Variants in GPC6 observed in about 807,000 individuals in gnomAD.
GPC6 encodes glypican 6.
A neutral mutation model predicts 55.2 loss-of-function variants in GPC6; 14 were observed. The observed-to-expected ratio is 0.25, with a 90% CI of 0.17 to 0.40. The LOEUF is 0.40. GPC6 is among the 10% of genes least tolerant of loss of function. The probability of loss-of-function intolerance (pLI) is 1.00; values close to 1 mark genes in which losing one functional copy is unlikely to be tolerated. For missense variants in GPC6, 641 were observed against 708.5 expected (o/e 0.90, Z 1.08); for synonymous variants, 278 against 259.6 (o/e 1.07, Z -0.68).
chr13:93,977,974 G>A (rs529183411), intron 3 of GPC6, among the ~76,000 whole-genome samples: 5 of 152,260 alleles, frequency 3.3e-5, no homozygotes, highest in South Asian at 2.1e-4. Flanking sequence ...AAGAGAAATC[G>A]CCATAGAGTT....
intron 2 of GPC6, among the ~76,000 whole-genome samples, chr13:93,736,032 T>C (rs1399315102): frequency 6.6e-6 from 1 of 152,224 alleles, no homozygotes; most frequent in Non-Finnish European, 1.5e-5. Context: ...CTGAAAAGGA[T>C]TTTTTAAATG....
At position 93,415,584 on chromosome 13, in the gene GPC6, GGT is replaced by G. The variant is rs1371015700; in HGVS notation, c.161-129676_161-129675del. On this transcript the variant is annotated intron_variant, in intron 1 of 8. Coordinates refer to ENST00000377047, the MANE Select transcript of GPC6 (RefSeq NM_005708.5). ...GGTTAAATAGTATGAATATTTTTCA[GGT>G]GTTTGATACAAATGCCAGACTGCCT... 2.0e-5 allele frequency among the ~76,000 whole-genome samples: 3 copies of G among 152,010 alleles called. No homozygotes were observed. The East Asian group carries it at 5.8e-4, about 29-fold the overall frequency.
At chr13:94,070,589 G>T (rs116187025) in intron 4 of GPC6, among the ~76,000 whole-genome samples, 2 of 152,174 alleles carry the variant, frequency 1.3e-5, no homozygotes, top group African/African-American at 4.8e-5. Context: ...CCAAAGAGCA[G>T]ACTAGAAAGA....
chr13:93,263,556 G>A (rs1488473848), intron 1 of GPC6, among the ~76,000 whole-genome samples: 1 of 151,942 alleles, frequency 6.6e-6, no homozygotes, highest in Non-Finnish European at 1.5e-5. Flanking sequence ...GTAGAGACAG[G>A]ATTTCACCAT....
rs748827674 is a variant in GPC6 at position 94,306,104 on chromosome 13, G to A, written c.1133G>A (p.Gly378Asp). Residue 378 changes from glycine to aspartate, a missense_variant, in exon 6 of 9, where the codon GGC becomes GAC. Coordinates refer to ENST00000377047, the MANE Select transcript of GPC6 (RefSeq NM_005708.5). ...NPEERPTTAAGTSLDRLVTDI... is the reference protein window; with the variant it reads ...NPEERPTTAADTSLDRLVTDI... ...GAGGAAAGACCAACAACTGCTGCAG[G>A]CACAAGCTTGGACCGGCTGGTGAGT... 2 of 1,614,144 alleles carry A rather than the reference G, an allele frequency of 1.2e-6. No individual in the cohort carries two copies. The highest frequency in any genetic ancestry group is 1.6e-4 in the Middle Eastern group (1 of 6,062).
intron 4 of GPC6, among the ~76,000 whole-genome samples, chr13:94,266,604 G>A (rs887635909): frequency 2.2e-5 from 3 of 138,686 alleles, no homozygotes; most frequent in Admixed American, 7.4e-5. Context: ...CTTCAAAAAC[G>A]CAGCCCCAGT....
At chr13:93,475,189 C>T (rs1485686433) in intron 1 of GPC6, among the ~76,000 whole-genome samples, 1 of 152,100 alleles carries the variant, frequency 6.6e-6, no homozygotes, top group African/African-American at 2.4e-5. Context: ...CAAACACACA[C>T]AGCAACCACT....
chr13:93,944,365 A>T (rs993422157), intron 3 of GPC6, among the ~76,000 whole-genome samples: 1 of 151,714 alleles, frequency 6.6e-6, no homozygotes, highest in African/African-American at 2.4e-5. Flanking sequence ...CACCATGCCT[A>T]GCTAATTTTT....
At chr13:93,325,493 G>A (rs1017759943) in intron 1 of GPC6, among the ~76,000 whole-genome samples, 1 of 152,122 alleles carries the variant, frequency 6.6e-6, no homozygotes, top group Non-Finnish European at 1.5e-5. Flanking sequence ...GCAGATGAGT[G>A]AGACAGTGAG....
chr13:93,777,539 C>T (rs1437347272), intron 2 of GPC6, among the ~76,000 whole-genome samples: 1 of 152,122 alleles, frequency 6.6e-6, no homozygotes, highest in Non-Finnish European at 1.5e-5. Flanking sequence ...TATTTTATTA[C>T]TGGCTTGGGG....
chr13:93,480,792 G>A (rs188845771), intron 1 of GPC6, among the ~76,000 whole-genome samples: 26 of 152,114 alleles, frequency 1.7e-4, no homozygotes, highest in Admixed American at 9.8e-4. Flanking sequence ...CCTTTTTATT[G>A]CCTAATAATT....
chr13:93,502,508 T>C (rs1880560003), intron 1 of GPC6, among the ~76,000 whole-genome samples: 1 of 152,140 alleles, frequency 6.6e-6, no homozygotes. Context: ...TGTTTTTGTT[T>C]ACATTAATGA....
At chr13:93,761,019 A>C (rs1594434116) in intron 2 of GPC6, among the ~76,000 whole-genome samples, 1 of 152,240 alleles carries the variant, frequency 6.6e-6, no homozygotes, top group Non-Finnish European at 1.5e-5. Context: ...TCAGTCTTCA[A>C]TATATGAGCA....
intron 4 of GPC6, among the ~76,000 whole-genome samples, chr13:94,092,731 T>C (rs1031709905): frequency 4.6e-5 from 7 of 152,130 alleles, no homozygotes; most frequent in African/African-American, 1.4e-4. Context: ...GGCTATACTA[T>C]TTTGCATTTC....
intron 1 of GPC6, among the ~76,000 whole-genome samples, chr13:93,312,880 A>G (rs1879121733): frequency 6.6e-6 from 1 of 152,136 alleles, no homozygotes; most frequent in South Asian, 2.1e-4. Context: ...ATGATATTCT[A>G]TTTGGCTCTA....
chr13:93,564,450 A>G (rs888428438), intron 2 of GPC6, among the ~76,000 whole-genome samples: 1 of 152,178 alleles, frequency 6.6e-6, no homozygotes, highest in African/African-American at 2.4e-5. Context: ...ATATATATGA[A>G]TTGAATTACC....
intron 4 of GPC6, among the ~76,000 whole-genome samples, chr13:94,266,447 C>A (rs1360266982): frequency 3.3e-5 from 5 of 152,172 alleles, no homozygotes; most frequent in Non-Finnish European, 7.3e-5. Context: ...GGATTACAGG[C>A]GTGAGCCACC....
intron 1 of GPC6, among the ~76,000 whole-genome samples, chr13:93,326,620 G>A (rs1047936887): frequency 6.6e-6 from 1 of 152,144 alleles, no homozygotes; most frequent in Non-Finnish European, 1.5e-5. Context: ...TAGGTCATCT[G>A]GAAAATATTT....
intron 6 of GPC6, among the ~76,000 whole-genome samples, chr13:94,373,806 G>C (rs1431271101): frequency 1.3e-5 from 2 of 152,158 alleles, no homozygotes; most frequent in Non-Finnish European, 2.9e-5. Context: ...GTTAAGGGCA[G>C]CCAGAGAGAA....
Sources: gnomAD v4.1 joint callset for allele counts (sites outside exome capture counted in the v4.1 genomes callset) on GRCh38, gnomAD v4.1.1 for gene constraint, MANE v1.5 for transcripts, NCBI Gene and HGNC (gene_info 2026-07-23, HGNC 2026-07-21) for gene names.